The following LPP variants were observed in gnomAD, a reference collection of about 807,000 sequenced individuals.
LPP encodes the protein lipoma-preferred partner.
LPP carries 38 observed loss-of-function variants against 60.4 expected under a neutral mutation model. The ratio of observed to expected loss-of-function variants is 0.63; its 90% confidence interval spans 0.49 to 0.83. The LOEUF is 0.83. LPP is among the 40% of genes least tolerant of loss of function. LPP has a pLI of 0.00. For synonymous variants in LPP, 328 were observed against 290.8 expected (o/e 1.13, Z -1.30); for missense variants, 902 against 783.6 (o/e 1.15, Z -1.80).
Position 188,890,543 on chromosome 3 carries a change from T to G in LPP, c.*16064T>G, listed in dbSNP as rs1771135599. 5.5e-6 allele frequency: 1 copy of G among 182,394 alleles called. No individual in the cohort carries two copies. The highest frequency in any genetic ancestry group is 2.3e-5 in the African/African-American group (1 of 42,558). 11.3% of individuals were successfully genotyped at this position (182,394 alleles called of 1,614,324 possible). On this transcript the variant is annotated 3_prime_UTR_variant, in exon 12 of 12. Coordinates refer to ENST00000617246, the MANE Select transcript of LPP (RefSeq NM_001375462.1). Reference sequence around the variant, plus strand: ...GTTTTTCTATTTACCTTCTATCAGTTTTCTCTACCAATTATGTTTTTTCAA... The same window carrying G: ...GTTTTTCTATTTACCTTCTATCAGTGTTCTCTACCAATTATGTTTTTTCAA...
intron 1 of LPP, among the ~76,000 whole-genome samples, chr3:188,204,538 G>A (rs995558942): frequency 6.6e-6 from 1 of 152,022 alleles, no homozygotes; most frequent in Non-Finnish European, 1.5e-5. Flanking sequence ...AATAACAATG[G>A]CAATATTTTT....
intron 5 of LPP, among the ~76,000 whole-genome samples, chr3:188,508,629 C>T (rs370983646): frequency 6.6e-6 from 1 of 152,216 alleles, no homozygotes; most frequent in East Asian, 1.9e-4. Flanking sequence ...TGGAAACTCG[C>T]ACTCCTTCGA....
chr3:188,191,407 C>T (rs902537749), intron 1 of LPP, among the ~76,000 whole-genome samples: 2 of 152,216 alleles, frequency 1.3e-5, no homozygotes, highest in African/African-American at 2.4e-5. Context: ...TGAAGACCTC[C>T]TTTGCCATCT....
intron 6 of LPP, among the ~76,000 whole-genome samples, chr3:188,532,241 T>C (rs1437742999): frequency 6.6e-6 from 1 of 150,396 alleles, no homozygotes; most frequent in Non-Finnish European, 1.5e-5. Context: ...ACCCCAGCTC[T>C]ACTAAAAACA....
chr3:188,164,726 T>C (rs1226360952), intron 1 of LPP, among the ~76,000 whole-genome samples: 2 of 152,176 alleles, frequency 1.3e-5, no homozygotes, highest in African/African-American at 4.8e-5. Context: ...TTCTTGGTCA[T>C]AGTTTAATAG....
intron 2 of LPP, among the ~76,000 whole-genome samples, chr3:188,268,297 CAAA>C (rs1352686151): frequency 6.6e-6 from 1 of 151,616 alleles, no homozygotes; most frequent in Non-Finnish European, 1.5e-5. Context: ...ACAAAAAAAA[CAAA>C]AACACAAAAC....
chr3:188,635,147 G>A (rs139463672), intron 7 of LPP, among the ~76,000 whole-genome samples: 2 of 152,276 alleles, frequency 1.3e-5, no homozygotes, highest in African/African-American at 4.8e-5. Context: ...ATTAAAATAT[G>A]TATTTTGTGT....
intron 9 of LPP, among the ~76,000 whole-genome samples, chr3:188,793,994 A>G (rs1744598681): frequency 6.6e-6 from 1 of 152,056 alleles, no homozygotes; most frequent in South Asian, 2.1e-4. Context: ...GGCAGAAATC[A>G]TGACAAGAAA....
At chr3:188,240,441 T>A (rs1723896180) in intron 2 of LPP, among the ~76,000 whole-genome samples, 2 of 151,902 alleles carry the variant, frequency 1.3e-5, no homozygotes, top group South Asian at 2.1e-4. Flanking sequence ...TCAGATTGTT[T>A]GACAGTAGCA....
rs139841964 is a variant in LPP, at chr3:188,290,277, A to G, written c.-66-51386A>G. 2.8e-3 allele frequency among the ~76,000 whole-genome samples: 431 copies of G among 152,252 alleles called. 2 individuals carry two copies. Among genetic ancestry groups the G allele is most frequent in the Admixed American group, 4.4e-3 (67 of 15,272 alleles). ...AGACGTGAGCCACCATGCCCGGTTCAACATGCAGTTTTGTGTACTGTTTAG... is the reference window on the plus strand; with the variant it reads ...AGACGTGAGCCACCATGCCCGGTTCGACATGCAGTTTTGTGTACTGTTTAG... On this transcript the variant is annotated intron_variant, in intron 2 of 11. Coordinates refer to ENST00000617246, the MANE Select transcript of LPP (RefSeq NM_001375462.1).
At chr3:188,289,079 T>C (rs1012648627) in intron 2 of LPP, among the ~76,000 whole-genome samples, 4 of 152,122 alleles carry the variant, frequency 2.6e-5, no homozygotes, top group Admixed American at 6.6e-5. Flanking sequence ...AATTTTCAAA[T>C]TGAGAATAAA....
intron 2 of LPP, among the ~76,000 whole-genome samples, chr3:188,277,595 T>C (rs1237442212): frequency 6.6e-6 from 1 of 152,254 alleles, no homozygotes; most frequent in Non-Finnish European, 1.5e-5. Context: ...TAGAACTTTC[T>C]GTTTAATTCC....
At chr3:188,839,741 G>A (rs974949462) in intron 9 of LPP, among the ~76,000 whole-genome samples, 1 of 152,054 alleles carries the variant, frequency 6.6e-6, no homozygotes, top group Non-Finnish European at 1.5e-5. Flanking sequence ...AACTGGGCAT[G>A]GTGGTGGGCG....
intron 8 of LPP, among the ~76,000 whole-genome samples, chr3:188,739,594 C>T (rs1723705570): frequency 6.6e-6 from 1 of 152,032 alleles, no homozygotes. Context: ...GATAAAATTC[C>T]AGGGAAAAGG....
At chr3:188,588,030 C>T (rs556181614) in intron 6 of LPP, among the ~76,000 whole-genome samples, 5 of 152,158 alleles carry the variant, frequency 3.3e-5, no homozygotes, top group Non-Finnish European at 5.9e-5. Flanking sequence ...ACTTAAATTC[C>T]CCTAGTTGTC....
intron 10 of LPP, among the ~76,000 whole-genome samples, chr3:188,869,457 A>T (rs907040716): frequency 3.9e-5 from 6 of 152,018 alleles, no homozygotes; most frequent in African/African-American, 1.4e-4. Context: ...TGCCTGGCTA[A>T]TTTTTATATT....
chr3:188,807,604 ATTCT>A (rs1749558708), intron 9 of LPP, among the ~76,000 whole-genome samples: 1 of 152,028 alleles, frequency 6.6e-6, no homozygotes, highest in Admixed American at 6.6e-5. Flanking sequence ...AAGTTTACTA[ATTCT>A]TTCCCCAGTT....
intron 6 of LPP, among the ~76,000 whole-genome samples, chr3:188,545,173 G>A (rs1412584455): frequency 7.9e-6 from 1 of 126,486 alleles, no homozygotes. Context: ...GTTAGTGGGT[G>A]CAGCGTACCA....
intron 3 of LPP, among the ~76,000 whole-genome samples, chr3:188,402,483 G>T (rs1782483000): frequency 6.6e-6 from 1 of 152,166 alleles, no homozygotes; most frequent in African/African-American, 2.4e-5. Context: ...AGAGGGCACT[G>T]CAGCTGTAAC....
Sources: allele counts gnomAD v4.1 joint callset (sites outside exome capture counted in the v4.1 genomes callset), GRCh38; gene constraint gnomAD v4.1.1; transcripts MANE v1.5; gene names NCBI Gene and HGNC (gene_info 2026-07-23, HGNC 2026-07-21).